Variants in KDM2B observed in about 807,000 individuals in gnomAD.
KDM2B encodes lysine demethylase 2B, also known as lysine-specific demethylase 2B.
A neutral mutation model predicts 150.0 loss-of-function variants in KDM2B; 26 were observed. The ratio of observed to expected loss-of-function variants is 0.17; its 90% confidence interval spans 0.13 to 0.24. The LOEUF (loss-of-function observed/expected upper bound fraction) is 0.24. KDM2B is among the 10% of genes least tolerant of loss of function. KDM2B has a pLI of 1.00. For missense variants in KDM2B, 1,265 were observed against 1,816.9 expected (o/e 0.70, Z 5.52); for synonymous variants, 734 against 729.5 (o/e 1.01, Z -0.10).
intron 7 of KDM2B, among the ~76,000 whole-genome samples, chr12:121,534,205 A>C (rs1006211511): frequency 1.4e-4 from 22 of 152,012 alleles, no homozygotes; most frequent in South Asian, 6.2e-4. Context: ...AAAAATTAGC[A>C]GGGCGTGGTA....
chr12:121,457,590 T>G (rs990184837), intron 12 of KDM2B, among the ~76,000 whole-genome samples: 1 of 152,020 alleles, frequency 6.6e-6, no homozygotes, highest in Non-Finnish European at 1.5e-5. Flanking sequence ...TTCCACTCTG[T>G]CCTACCCCTG....
intron 4 of KDM2B, among the ~76,000 whole-genome samples, chr12:121,568,468 C>T (rs996055774): frequency 6.6e-6 from 1 of 151,964 alleles, no homozygotes; most frequent in East Asian, 1.9e-4. Flanking sequence ...CTCAAAAAAA[C>T]AAACAAACAA....
chr12:121,441,745 G>A (rs1256760736), intron 19 of KDM2B, among the ~76,000 whole-genome samples: 1 of 152,158 alleles, frequency 6.6e-6, no homozygotes, highest in African/African-American at 2.4e-5. Context: ...TATTTACCAT[G>A]GGCTTTACAA....
chr12:121,483,177 A>G (rs565764675), intron 12 of KDM2B, among the ~76,000 whole-genome samples: 4 of 151,778 alleles, frequency 2.6e-5, no homozygotes, highest in Non-Finnish European at 4.4e-5. Flanking sequence ...AAAAAATAGT[A>G]AAACATTATT....
chr12:121,548,765 GT>G, intron 6 of KDM2B, 111 bp downstream of exon 6: 1 of 785,238 alleles, frequency 1.3e-6, no homozygotes, highest in South Asian at 1.5e-5. Context: ...AACGGGAGCG[GT>G]TGTGACGCTC....
At position 121,442,311 on chromosome 12, in the gene KDM2B, G is replaced by A. The variant is rs1555288555; in HGVS notation, c.3130C>T (p.Arg1044Trp). 1 of 1,608,714 alleles carries A rather than the reference G, an allele frequency of 6.2e-7. No homozygotes were observed. The highest frequency in any genetic ancestry group is 8.5e-7 in the Non-Finnish European group (1 of 1,177,192). Residue 1044 changes from arginine to tryptophan, a missense_variant, in exon 19 of 23, where the codon CGG (arginine) becomes TGG (tryptophan). Around this residue, in one of 11 missense-constraint regions of KDM2B, gnomAD observed 251 missense variants for 397.8 expected, o/e 0.63. Coordinates refer to ENST00000377071, the MANE Select transcript of KDM2B (RefSeq NM_032590.5). The surrounding 1 kb of genome is among the most constrained non-coding windows in gnomAD (Gnocchi z 7.7). ...KCIQMERHVIRPPPISPPPDS... is the reference protein window; with the variant it reads ...KCIQMERHVIWPPPISPPPDS... Reference sequence around the variant, plus strand: ...GGCGGGGGGCTGATGGGGGGTGGCCGGATCACATGGCGCTCCATCTGGATA... The same window carrying A: ...GGCGGGGGGCTGATGGGGGGTGGCCAGATCACATGGCGCTCCATCTGGATA...
intron 1 of KDM2B, 77 bp downstream of exon 1, chr12:121,580,709 C>G: frequency 6.6e-7 from 1 of 1,519,590 alleles, no homozygotes; most frequent in Non-Finnish European, 8.9e-7. Context: ...AAAACGACCC[C>G]CCACCTCCGT....
intron 6 of KDM2B, among the ~76,000 whole-genome samples, chr12:121,547,574 C>T (rs547592548): frequency 6.6e-6 from 1 of 152,068 alleles, no homozygotes; most frequent in African/African-American, 2.4e-5. Context: ...ATTCAGGCCG[C>T]CAGCGCCAAC....
At chr12:121,501,630 T>G (rs1884561395) in intron 11 of KDM2B, among the ~76,000 whole-genome samples, 1 of 152,138 alleles carries the variant, frequency 6.6e-6, no homozygotes, top group Admixed American at 6.5e-5. Context: ...TTTTGTTTGT[T>G]TGTTTTTTGA....
chr12:121,474,409 A>G (rs1413371207), intron 12 of KDM2B, among the ~76,000 whole-genome samples: 2 of 152,054 alleles, frequency 1.3e-5, no homozygotes, highest in African/African-American at 4.8e-5. Context: ...CCAGCTACTC[A>G]GGAGGCTGAG....
chr12:121,440,559 C>G lies in KDM2B; in HGVS notation c.3610+257G>C, dbSNP rs148759667. On this transcript the variant is annotated intron_variant, in intron 21 of 22. Transcript: ENST00000377071. ...GCGAGTCAATAAGAAAGCAGTGAGACACACGCAGAGCCCCATGAGCGAGTC... is the reference window on the plus strand; with the variant it reads ...GCGAGTCAATAAGAAAGCAGTGAGAGACACGCAGAGCCCCATGAGCGAGTC... 627 of 480,414 alleles carry G rather than the reference C, an allele frequency of 1.3e-3. 7 individuals are homozygous for G. Among genetic ancestry groups the G allele is most frequent in the African/African-American group, 0.011 (574 of 51,594 alleles). The allele number at this position is 480,414 out of a possible 1,614,324, so 29.8% of individuals were successfully genotyped here. A position where few individuals can be genotyped will look rare whatever the true frequency, so the allele number is the denominator to read the frequency against.
intron 4 of KDM2B, among the ~76,000 whole-genome samples, chr12:121,569,164 T>A (rs1363299044): frequency 6.6e-6 from 1 of 152,194 alleles, no homozygotes; most frequent in African/African-American, 2.4e-5. Context: ...TAGGGCTGTG[T>A]TTATGTCACC....
At chr12:121,542,533 T>C (rs1888690142) in intron 6 of KDM2B, among the ~76,000 whole-genome samples, 1 of 152,270 alleles carries the variant, frequency 6.6e-6, no homozygotes, top group East Asian at 1.9e-4. Context: ...AACTGTGAGA[T>C]AATGTTTGAT....
intron 9 of KDM2B, among the ~76,000 whole-genome samples, chr12:121,517,643 ATT>A: frequency 1.3e-5 from 2 of 150,730 alleles, no homozygotes; most frequent in African/African-American, 4.9e-5. Flanking sequence ...TAATTTTTGT[ATT>A]TTTTTAGTAG....
chr12:121,506,104 G>A (rs936826921), intron 11 of KDM2B, among the ~76,000 whole-genome samples: 1 of 148,120 alleles, frequency 6.8e-6, no homozygotes, highest in East Asian at 1.9e-4. Context: ...AGAACTCCTG[G>A]GCTCAAGTGA....
chr12:121,445,449 T>A, intron 13 of KDM2B, 31 bp from the exon 14 acceptor site: 1 of 1,562,212 alleles, frequency 6.4e-7, no homozygotes, highest in Non-Finnish European at 8.7e-7. Context: ...AGACAAGTCA[T>A]CAGGGGTGGG....
At chr12:121,551,955 A>G (rs781790583) in intron 4 of KDM2B, among the ~76,000 whole-genome samples, 2 of 152,212 alleles carry the variant, frequency 1.3e-5, no homozygotes, top group Non-Finnish European at 2.9e-5. Context: ...GAACTTGGGT[A>G]TTTCTATCTT....
intron 12 of KDM2B, among the ~76,000 whole-genome samples, chr12:121,487,075 G>T (rs782044455): frequency 7.9e-5 from 12 of 152,182 alleles, no homozygotes; most frequent in Non-Finnish European, 1.3e-4. Flanking sequence ...AGGAGGTGGA[G>T]ACTGCAGTGA....
chr12:121,443,354 C>T lies in KDM2B; in HGVS notation c.2566-324G>A, dbSNP rs541511291. 41 of 575,752 alleles carry T rather than the reference C, an allele frequency of 7.1e-5. No individual in the cohort carries two copies. In the South Asian group the frequency reaches 8.3e-4, roughly 12 times the overall value. 35.7% of individuals were successfully genotyped at this position (575,752 alleles called of 1,614,324 possible). A position where few individuals can be genotyped will look rare whatever the true frequency, so the allele number is the denominator to read the frequency against. On this transcript the variant is annotated intron_variant, in intron 17 of 22. Coordinates refer to ENST00000377071, the MANE Select transcript of KDM2B (RefSeq NM_032590.5). ...TCTGGAGCACAGCCCTGTGGGAATC[C>T]CCGGCCCAGCAGGAATGGCTAGAGC...
Sources: gnomAD v4.1 joint callset for allele counts (sites outside exome capture counted in the v4.1 genomes callset) on GRCh38, gnomAD v4.1.1 for gene constraint, gnomAD v4.1.1 regional missense constraint, Gnocchi (gnomAD v3.1) non-coding constraint, MANE v1.5 for transcripts, NCBI Gene and HGNC (gene_info 2026-07-23, HGNC 2026-07-21) for gene names.